OR2Z1: variants seen among roughly 807,000 people sequenced by gnomAD.
OR2Z1 encodes the protein olfactory receptor family 2 subfamily Z member 1, also known as olfactory receptor 2Z1.
For missense variants in OR2Z1, 449 were observed against 401.8 expected (o/e 1.12, Z -1.00); for synonymous variants, 188 against 160.6 (o/e 1.17, Z -1.29).
At chr19:8,729,693 C>T (rs1310926342) in intron 2 of OR2Z1, among the ~76,000 whole-genome samples, 8 of 151,924 alleles carry the variant, frequency 5.3e-5, no homozygotes, top group South Asian at 2.1e-4. Context: ...TGGGTTCAAG[C>T]GATTCTTCTG....
intron 2 of OR2Z1, among the ~76,000 whole-genome samples, chr19:8,729,496 G>T (rs1405182714): frequency 6.7e-6 from 1 of 148,652 alleles, no homozygotes; most frequent in South Asian, 2.1e-4. Flanking sequence ...CTGCAGCCTC[G>T]ACCTCCCAGG....
intron 2 of OR2Z1, chr19:8,728,953 A>T: frequency 1.5e-6 from 1 of 680,730 alleles, no homozygotes; most frequent in Non-Finnish European, 2.7e-6. Flanking sequence ...TTGATGGTGG[A>T]CTCAGTGGTC....
At chr19:8,723,613 C>CGTGTGT (rs147343112) in intron 2 of OR2Z1, among the ~76,000 whole-genome samples, 2 of 150,434 alleles carry the variant, frequency 1.3e-5, no homozygotes, top group Admixed American at 6.6e-5. Context: ...ACATACAGTG[C>CGTGTGT]GTGTGTGTGT....
Position 8,730,887 on chromosome 19 carries a change from ACTCTT to A in OR2Z1, c.-138_-134del. ...TACTGATTCTAGCTGCAGCCTCATT[ACTCTT>A]CTCAAGACACCATCCCAGGAAGCCA... On this transcript the variant is annotated 5_prime_UTR_variant, in exon 3 of 3. The change abolishes the stop of an existing upstream ORF in the 5' untranslated region. Transcript: ENST00000641125. 1 of 639,356 alleles carries A rather than the reference ACTCTT, an allele frequency of 1.6e-6. No individual in the cohort carries two copies. The highest frequency in any genetic ancestry group is 2.7e-6 in the Non-Finnish European group (1 of 365,358). 39.6% of individuals were successfully genotyped at this position (639,356 alleles called of 1,614,324 possible). A position where few individuals can be genotyped will look rare whatever the true frequency, so the allele number is the denominator to read the frequency against.
rs782485834 is a variant in OR2Z1, at chr19:8,731,035, G to A, written c.7G>A (p.Asp3Asn). The A allele has an allele frequency of 1.2e-6, 2 of 1,613,670 alleles. No homozygotes were observed. The highest frequency in any genetic ancestry group is 1.3e-5 in the African/African-American group (1 of 74,900). ...AAAGTGCATTGTGTAAAACATGGGG[G>A]ATGTGAATCAGTCGGTGGCCTCAGA... Reference protein sequence around the residue: MGDVNQSVASDFI... With the variant: MGNVNQSVASDFI... The change falls in exon 3 of 3, where the codon GAT becomes AAT. Residue 3 changes from aspartate to asparagine, a missense_variant. By Grantham distance (23) the Asp-to-Asn change is conservative (BLOSUM62 1). Transcript: ENST00000641125.
chr19:8,729,297 C>T, intron 2 of OR2Z1: 2 of 549,866 alleles, frequency 3.6e-6, no homozygotes, highest in African/African-American at 1.9e-5. Flanking sequence ...TTCCTGCGTA[C>T]CCAGTGATTA....
At chr19:8,728,363 A>G (rs1176904382) in intron 2 of OR2Z1, among the ~76,000 whole-genome samples, 13 of 152,090 alleles carry the variant, frequency 8.5e-5, no homozygotes, top group African/African-American at 3.1e-4. Context: ...TTCTAGAGCT[A>G]GTGTCTCATA....
At chr19:8,729,445 C>T (rs1361540283) in intron 2 of OR2Z1, among the ~76,000 whole-genome samples, 12 of 148,346 alleles carry the variant, frequency 8.1e-5, no homozygotes, top group Admixed American at 1.4e-4. Context: ...AGGTCTTGCT[C>T]GGTGGCCCAG....
intron 2 of OR2Z1, among the ~76,000 whole-genome samples, chr19:8,726,407 T>G (rs1555756193): frequency 1.3e-5 from 2 of 152,186 alleles, no homozygotes; most frequent in Non-Finnish European, 1.5e-5. Flanking sequence ...CATTAAGGAT[T>G]ACAATTCAAC....
chr19:8,726,029 G>A (rs782818849), intron 2 of OR2Z1, among the ~76,000 whole-genome samples: 5 of 151,914 alleles, frequency 3.3e-5, no homozygotes, highest in Non-Finnish European at 4.4e-5. Context: ...GCAGTGGCAC[G>A]GTCTCGGCTC....
intron 2 of OR2Z1, among the ~76,000 whole-genome samples, chr19:8,724,294 G>A (rs2043319105): frequency 6.6e-6 from 1 of 151,876 alleles, no homozygotes; most frequent in African/African-American, 2.4e-5. Context: ...GGAGTGCAGT[G>A]GTGTGATCAC....
At position 8,731,176 on chromosome 19, in the gene OR2Z1, C is replaced by T. The variant is rs558277343; in HGVS notation, c.148C>T (p.Arg50Cys). 3.8e-5 allele frequency: 62 copies of T among 1,613,980 alleles called. No homozygotes were observed. The highest frequency in any genetic ancestry group is 3.3e-4 in the Middle Eastern group (2 of 6,062). Reference protein sequence around the residue: ...LGNTVLLFLIRVDSRLHTPMY... With the variant: ...LGNTVLLFLICVDSRLHTPMY... ...CAACACCGTTCTTCTCTTCTTGATCCGTGTGGACTCCCGGCTCCACACACC... is the reference window on the plus strand; with the variant it reads ...CAACACCGTTCTTCTCTTCTTGATCTGTGTGGACTCCCGGCTCCACACACC... Residue 50 changes from arginine to cysteine, a missense_variant, in exon 3 of 3, where the codon CGT becomes TGT. Coordinates refer to ENST00000641125, the MANE Select transcript of OR2Z1 (RefSeq NM_001004699.3).
At position 8,728,511 on chromosome 19, in the gene OR2Z1, C is replaced by T. The variant is rs566981637; in HGVS notation, c.-169-2349C>T. Among the ~76,000 whole-genome samples, 53 of 152,256 alleles carry T rather than the reference C, an allele frequency of 3.5e-4. No individual in the cohort carries two copies. In the South Asian group the frequency reaches 0.011, roughly 32 times the overall value. On this transcript the variant is annotated intron_variant, in intron 2 of 2. Transcript: ENST00000641125. ...CAACCCCCTCCTGCTGTCATTGTGC[C>T]TCTATGGTTTCCTTTCTTTAGATTT...
chr19:8,724,987 C>G (rs1253299418), intron 2 of OR2Z1, among the ~76,000 whole-genome samples: 1 of 152,178 alleles, frequency 6.6e-6, no homozygotes, highest in Non-Finnish European at 1.5e-5. Context: ...CTTCCCTCTT[C>G]TAGCTCTCTG....
Position 8,731,252 on chromosome 19 carries a change from T to C in OR2Z1, c.224T>C (p.Met75Thr), listed in dbSNP as rs782408051. The change falls in exon 3 of 3, where the codon ATG (methionine) becomes ACG (threonine). Residue 75 changes from methionine (M) to threonine (T), a missense_variant. Transcript: ENST00000641125. ...QLSLFDIGCPMVTIPKMASDF... is the reference protein window; with the variant it reads ...QLSLFDIGCPTVTIPKMASDF... ...TCCCTGTTTGACATTGGCTGTCCCA[T>C]GGTCACCATCCCCAAGATGGCATCA... 7 of 1,613,928 alleles carry C rather than the reference T, an allele frequency of 4.3e-6. No homozygotes were observed. Among genetic ancestry groups the C allele is most frequent in the Non-Finnish European group, 5.1e-6 (6 of 1,179,824 alleles).
chr19:8,723,115 AGACAGTGG>A lies in OR2Z1; in HGVS notation c.-201_-194del, dbSNP rs1295904804. On this transcript the variant is annotated 5_prime_UTR_variant, in exon 2 of 3. An upstream open reading frame in the 5' UTR gains an earlier in-frame stop. Transcript: ENST00000641125. ...TTTTTATTTTTTTCAGATGCATCAA[AGACAGTGG>A]GACCACCTGGGCACCCTGAAAGGAA... The A allele has an allele frequency of 1.3e-5, 2 of 152,194 alleles. No homozygotes were observed. Among genetic ancestry groups the A allele is most frequent in the Non-Finnish European group, 2.9e-5 (2 of 68,068 alleles). The allele number at this position is 152,194 out of a possible 1,614,324, so 9.4% of individuals were successfully genotyped here.
chr19:8,731,322 A>C lies in OR2Z1; in HGVS notation c.294A>C (p.Ala98=). 1 of 1,614,130 alleles carries C rather than the reference A, an allele frequency of 6.2e-7. No homozygotes were observed. Among genetic ancestry groups the C allele is most frequent in the Non-Finnish European group, 8.5e-7 (1 of 1,180,018 alleles). The change falls in exon 3 of 3, where the codon GCA becomes GCC. Residue 98 remains alanine, a synonymous_variant. Transcript: ENST00000641125. Reference sequence around the variant, plus strand: ...GTGCCACCTCCTATGGAGGTGGTGCAGCTCAAATATTCTTCCTCACACTGA... The same window carrying C: ...GTGCCACCTCCTATGGAGGTGGTGCCGCTCAAATATTCTTCCTCACACTGA... ...GEGATSYGGG[A]AQIFFLTLMG... is the part of the protein sequence containing the mutation.
chr19:8,723,723 T>A (rs549094691), intron 2 of OR2Z1, among the ~76,000 whole-genome samples: 16 of 152,198 alleles, frequency 1.1e-4, no homozygotes, highest in African/African-American at 3.9e-4. Context: ...TCAACCTGTG[T>A]GGTTTCTTCC....
chr19:8,723,613 C>A (rs543651819), intron 2 of OR2Z1, among the ~76,000 whole-genome samples: 1 of 150,436 alleles, frequency 6.6e-6, no homozygotes, highest in Admixed American at 6.6e-5. Context: ...ACATACAGTG[C>A]GTGTGTGTGT....
Sources: gnomAD v4.1 joint callset for allele counts (sites outside exome capture counted in the v4.1 genomes callset) on GRCh38, gnomAD v4.1.1 for gene constraint, MANE v1.5 for transcripts, NCBI Gene and HGNC (gene_info 2026-07-23, HGNC 2026-07-21) for gene names.